ERC2: variants seen among roughly 807,000 people sequenced by gnomAD.
ERC2 encodes the protein ELKS/RAB6-interacting/CAST family member 2, also known as ERC protein 2.
In ERC2, 42 loss-of-function variants were observed where a neutral mutation model predicts 114.8. The ratio of observed to expected loss-of-function variants is 0.37; its 90% confidence interval spans 0.29 to 0.47. The LOEUF is 0.47. Ranked by LOEUF, ERC2 falls within the 20% of genes least tolerant of loss-of-function variation. The pLI is 0.99. For synonymous variants in ERC2, 454 were observed against 425.5 expected (o/e 1.07, Z -0.82); for missense variants, 939 against 1,150.7 (o/e 0.82, Z 2.66).
chr3:55,626,101 G>A (rs1284042471), intron 17 of ERC2, among the ~76,000 whole-genome samples: 1 of 152,220 alleles, frequency 6.6e-6, no homozygotes, highest in Non-Finnish European at 1.5e-5. Context: ...ACAGAAGTGA[G>A]TTGCATTTTA....
chr3:55,905,996 T>C (rs1325160961), intron 13 of ERC2, among the ~76,000 whole-genome samples: 1 of 152,170 alleles, frequency 6.6e-6, no homozygotes, highest in Non-Finnish European at 1.5e-5. Context: ...TACTTAAGAA[T>C]TTCCTTCTAT....
Position 56,356,113 on chromosome 3 carries a change from G to C in ERC2, c.658-59678C>G, listed in dbSNP as rs1167568540. 3.3e-5 allele frequency among the ~76,000 whole-genome samples: 5 copies of C among 152,162 alleles called. No homozygotes were observed. The East Asian group carries it at 9.6e-4, about 29-fold the overall frequency. ...TCCAAGCTGGTTGTGAAAAACAATGGCCATTTTATACAATCAGTCCCAGAT... is the reference window on the plus strand; with the variant it reads ...TCCAAGCTGGTTGTGAAAAACAATGCCCATTTTATACAATCAGTCCCAGAT... On this transcript the variant is annotated intron_variant, in intron 2 of 17. Coordinates refer to ENST00000288221, the MANE Select transcript of ERC2 (RefSeq NM_015576.3).
chr3:56,064,318 G>A (rs2076373077), intron 7 of ERC2, among the ~76,000 whole-genome samples: 1 of 152,176 alleles, frequency 6.6e-6, no homozygotes, highest in Non-Finnish European at 1.5e-5. Context: ...CCTTGTCCAT[G>A]CCCTCAGCTG....
At chr3:56,338,623 C>T (rs774375437) in intron 2 of ERC2, among the ~76,000 whole-genome samples, 49 of 152,290 alleles carry the variant, frequency 3.2e-4, no homozygotes, top group Admixed American at 5.9e-4. Context: ...TGAGTGAAGA[C>T]GCCTATAATT....
rs141874027 is a variant in ERC2, at chr3:56,460,211, C to T, written c.-141+8037G>A. 3.3e-3 allele frequency among the ~76,000 whole-genome samples: 503 copies of T among 152,284 alleles called. 1 individual carries two copies. Among genetic ancestry groups the T allele is most frequent in the Non-Finnish European group, 4.7e-3 (323 of 68,004 alleles). On this transcript the variant is annotated intron_variant, in intron 1 of 17. Coordinates refer to ENST00000288221, the MANE Select transcript of ERC2 (RefSeq NM_015576.3). Reference sequence around the variant, plus strand: ...TGTGAAAGTGAGACAGCTTAGAGCTCCTGGTGCTTTTGGCATTGACAATGG... The same window carrying T: ...TGTGAAAGTGAGACAGCTTAGAGCTTCTGGTGCTTTTGGCATTGACAATGG...
rs1385432827 is a variant in ERC2, at chr3:56,177,719, T to C, written c.1075-4199A>G. On this transcript the variant is annotated intron_variant, in intron 3 of 17. Coordinates refer to ENST00000288221, the MANE Select transcript of ERC2 (RefSeq NM_015576.3). ...TACTAGAAGCCAAAAGTCAGGAGCC[T>C]GCAGTCCCAGCCTGAGACTTTGGGT... is the stretch of plus-strand genomic sequence containing the variant. 1.2e-4 allele frequency among the ~76,000 whole-genome samples: 19 copies of C among 152,296 alleles called. No homozygotes were observed. In the East Asian group the frequency reaches 3.5e-3, roughly 28 times the overall value.
At chr3:56,041,603 C>G (rs2075196192) in intron 7 of ERC2, among the ~76,000 whole-genome samples, 1 of 152,182 alleles carries the variant, frequency 6.6e-6, no homozygotes, top group Non-Finnish European at 1.5e-5. Context: ...CACCTTTCCT[C>G]TCTCACTTTC....
At chr3:55,668,105 T>C (rs2061424182) in intron 17 of ERC2, among the ~76,000 whole-genome samples, 2 of 152,090 alleles carry the variant, frequency 1.3e-5, no homozygotes, top group South Asian at 4.1e-4. Flanking sequence ...ATATAAGATA[T>C]ATAATGCATA....
intron 3 of ERC2, among the ~76,000 whole-genome samples, chr3:56,248,490 A>G (rs2051879625): frequency 6.6e-6 from 1 of 152,190 alleles, no homozygotes; most frequent in South Asian, 2.1e-4. Flanking sequence ...TTCAAGATCG[A>G]ATTTTCCATT....
chr3:55,655,314 A>C (rs1401735324), intron 17 of ERC2, among the ~76,000 whole-genome samples: 1 of 152,136 alleles, frequency 6.6e-6, no homozygotes, highest in East Asian at 1.9e-4. Flanking sequence ...TAGTACAAAG[A>C]AGAGTCTGCT....
intron 17 of ERC2, among the ~76,000 whole-genome samples, chr3:55,542,253 A>G (rs916080698): frequency 1.3e-5 from 2 of 152,198 alleles, no homozygotes; most frequent in African/African-American, 4.8e-5. Context: ...TAATCCCCCA[A>G]TGCTGAGATC....
intron 13 of ERC2, among the ~76,000 whole-genome samples, chr3:55,928,156 C>T (rs2065857242): frequency 6.6e-6 from 1 of 152,014 alleles, no homozygotes; most frequent in Non-Finnish European, 1.5e-5. Flanking sequence ...ATGGTAGTTC[C>T]ATTTTTAGTT....
chr3:56,242,422 C>T (rs533818590), intron 3 of ERC2, among the ~76,000 whole-genome samples: 32 of 152,048 alleles, frequency 2.1e-4, no homozygotes, highest in Non-Finnish European at 2.6e-4. Flanking sequence ...AGGACTTATC[C>T]ATATAACCAA....
chr3:55,946,859 T>C (rs2067155945), intron 13 of ERC2, among the ~76,000 whole-genome samples: 1 of 152,196 alleles, frequency 6.6e-6, no homozygotes, highest in Non-Finnish European at 1.5e-5. Flanking sequence ...GAAACAATAA[T>C]TCAAGGTATC....
At chr3:56,087,889 T>C (rs756372482) in intron 6 of ERC2, among the ~76,000 whole-genome samples, 1 of 152,186 alleles carries the variant, frequency 6.6e-6, no homozygotes, top group Non-Finnish European at 1.5e-5. Flanking sequence ...GAAGTACGCA[T>C]AATGTACACA....
At chr3:56,380,392 G>A (rs942460230) in intron 2 of ERC2, among the ~76,000 whole-genome samples, 1 of 151,990 alleles carries the variant, frequency 6.6e-6, no homozygotes, top group African/African-American at 2.4e-5. Flanking sequence ...GGATTTGTGT[G>A]CTTTCCCACT....
At position 56,325,807 on chromosome 3, in the gene ERC2, G is replaced by A. The variant is rs116577632; in HGVS notation, c.658-29372C>T. On this transcript the variant is annotated intron_variant, in intron 2 of 17. Coordinates refer to ENST00000288221, the MANE Select transcript of ERC2 (RefSeq NM_015576.3). Reference sequence around the variant, plus strand: ...TGATTACCATCCCCTTTCTACAGATGAGAAAACTGAGGCTCAAAGAGAAAA... The same window carrying A: ...TGATTACCATCCCCTTTCTACAGATAAGAAAACTGAGGCTCAAAGAGAAAA... Among the ~76,000 whole-genome samples the A allele has an allele frequency of 9.5e-4, 145 of 152,298 alleles. 1 individual carries two copies. Among genetic ancestry groups the A allele is most frequent in the African/African-American group, 3.2e-3 (134 of 41,574 alleles).
chr3:56,431,998 T>C (rs1314140933), intron 2 of ERC2, among the ~76,000 whole-genome samples: 1 of 152,164 alleles, frequency 6.6e-6, no homozygotes, highest in Non-Finnish European at 1.5e-5. Context: ...GACGGTTAAG[T>C]GGAATTATGG....
chr3:55,730,171 GTC>G (rs1559561316), intron 15 of ERC2, among the ~76,000 whole-genome samples: 1 of 152,060 alleles, frequency 6.6e-6, no homozygotes, highest in Non-Finnish European at 1.5e-5. Flanking sequence ...CACAAGCAAG[GTC>G]TTAGCACTCC....
Sources: gnomAD v4.1 joint callset for allele counts (sites outside exome capture counted in the v4.1 genomes callset) on GRCh38, gnomAD v4.1.1 for gene constraint, MANE v1.5 for transcripts, NCBI Gene and HGNC (gene_info 2026-07-23, HGNC 2026-07-21) for gene names.